Variants in ZBTB7C observed in about 807,000 individuals in gnomAD.
ZBTB7C encodes the protein zinc finger and BTB domain containing 7C.
In ZBTB7C, 8 loss-of-function variants were observed where a neutral mutation model predicts 25.7. The ratio of observed to expected loss-of-function variants is 0.31; its 90% CI spans 0.18 to 0.56. The LOEUF is 0.56. Ranked by LOEUF, ZBTB7C falls within the 20% of genes least tolerant of loss-of-function variation. The pLI, the probability that ZBTB7C is intolerant of heterozygous loss-of-function variation, is 0.91. For missense variants in ZBTB7C, 824 were observed against 855.2 expected (o/e 0.96, Z 0.46); for synonymous variants, 394 against 369.0 (o/e 1.07, Z -0.78).
At chr18:48,165,526 C>A in intron 3 of ZBTB7C, 1 of 217,976 alleles carries the variant, frequency 4.6e-6, no homozygotes, top group Non-Finnish European at 9.3e-6. Context: ...ACTGCTGGGA[C>A]ACCTTTGAAG....
chr18:48,383,118 C>T (rs777373464), intron 1 of ZBTB7C, among the ~76,000 whole-genome samples: 6 of 152,134 alleles, frequency 3.9e-5, no homozygotes, highest in African/African-American at 7.2e-5. Context: ...GACCATGAGT[C>T]CAATTGTCAG....
intron 1 of ZBTB7C, among the ~76,000 whole-genome samples, chr18:48,397,273 C>T (rs1599038458): frequency 6.6e-6 from 1 of 152,212 alleles, no homozygotes; most frequent in South Asian, 2.1e-4. Context: ...CCATGCCTGA[C>T]CCCCTTAACC....
At chr18:48,106,367 C>T (rs1029629291) in intron 3 of ZBTB7C, among the ~76,000 whole-genome samples, 1 of 150,540 alleles carries the variant, frequency 6.6e-6, no homozygotes. Flanking sequence ...AAGAAAAAGG[C>T]AATATTTAAC....
intron 3 of ZBTB7C, among the ~76,000 whole-genome samples, chr18:48,156,934 A>G (rs1294111249): frequency 6.6e-6 from 1 of 152,130 alleles, no homozygotes; most frequent in East Asian, 1.9e-4. Context: ...TTTGAAAGGC[A>G]GTGCCCCTGC....
At chr18:48,385,063 C>G (rs1171354309) in intron 1 of ZBTB7C, among the ~76,000 whole-genome samples, 1 of 152,164 alleles carries the variant, frequency 6.6e-6, no homozygotes, top group African/African-American at 2.4e-5. Context: ...CACCCCTAAG[C>G]AGCAGAAGGT....
At chr18:48,288,794 T>C (rs1190825490) in intron 2 of ZBTB7C, among the ~76,000 whole-genome samples, 1 of 152,230 alleles carries the variant, frequency 6.6e-6, no homozygotes, top group Non-Finnish European at 1.5e-5. Flanking sequence ...TGCTGGTACC[T>C]TGATCTTAAA....
intron 2 of ZBTB7C, among the ~76,000 whole-genome samples, chr18:48,285,445 C>T (rs751909128): frequency 6.6e-6 from 1 of 152,246 alleles, no homozygotes; most frequent in Admixed American, 6.5e-5. Flanking sequence ...ATTGCAAGAC[C>T]AGCTTTGTTT....
intron 2 of ZBTB7C, among the ~76,000 whole-genome samples, chr18:48,304,838 C>T (rs72909634): frequency 0.2 from 22,837 of 115,510 alleles, 1,989 homozygotes; most frequent in African/African-American, 0.23. Context: ...CCAGGCTCTA[C>T]CTCAAAAAAA....
At chr18:48,084,005 G>T in intron 3 of ZBTB7C, 1 of 479,812 alleles carries the variant, frequency 2.1e-6, no homozygotes. Context: ...TGTGCCTATG[G>T]AAGGTTTCCA....
At position 48,390,253 on chromosome 18, in the gene ZBTB7C, T is replaced by A. The variant is rs562972452; in HGVS notation, c.-304+18973A>T. Among the ~76,000 whole-genome samples the A allele has an allele frequency of 2.4e-4, 37 of 152,144 alleles. 1 individual carries two copies. Among genetic ancestry groups the A allele is most frequent in the Non-Finnish European group, 2.5e-4 (17 of 68,024 alleles). ...TAATATTCATTGTTCCAGACTTTTTTAATACATGGATACATTTTAATCAAA... is the reference window on the plus strand; with the variant it reads ...TAATATTCATTGTTCCAGACTTTTTAAATACATGGATACATTTTAATCAAA... On this transcript the variant is annotated intron_variant, in intron 1 of 4. Transcript: ENST00000590800.
chr18:48,162,392 T>C (rs1390538181), intron 3 of ZBTB7C: 1 of 456,656 alleles, frequency 2.2e-6, no homozygotes, highest in East Asian at 7.0e-5. Flanking sequence ...GCCTCAGTTG[T>C]TGCATCTGTA....
At chr18:48,190,840 G>A (rs2042176634) in intron 2 of ZBTB7C, among the ~76,000 whole-genome samples, 1 of 152,086 alleles carries the variant, frequency 6.6e-6, no homozygotes, top group South Asian at 2.1e-4. Context: ...TTGTAGAGAG[G>A]CCTTGAAAGT....
intron 3 of ZBTB7C, among the ~76,000 whole-genome samples, chr18:48,181,656 T>C (rs974554545): frequency 2.0e-5 from 3 of 152,230 alleles, no homozygotes; most frequent in African/African-American, 7.2e-5. Flanking sequence ...CTGGCTGTCC[T>C]GTTTTCTACC....
At chr18:48,219,006 C>T (rs2042890356) in intron 2 of ZBTB7C, among the ~76,000 whole-genome samples, 1 of 152,210 alleles carries the variant, frequency 6.6e-6, no homozygotes. Context: ...TTCACCACAG[C>T]TTGTCTGCCA....
At chr18:48,078,834 CATG>C (rs1196378897) in intron 3 of ZBTB7C, among the ~76,000 whole-genome samples, 1 of 152,206 alleles carries the variant, frequency 6.6e-6, no homozygotes, top group African/African-American at 2.4e-5. Flanking sequence ...CTTTCACTAG[CATG>C]ATGTTTTCCA....
At chr18:48,275,562 AC>A (rs2044621082) in intron 2 of ZBTB7C, among the ~76,000 whole-genome samples, 1 of 152,160 alleles carries the variant, frequency 6.6e-6, no homozygotes, top group Admixed American at 6.5e-5. Flanking sequence ...CACAGGGTTC[AC>A]TTTTGGCAGA....
chr18:48,125,440 T>C (rs967564129), intron 3 of ZBTB7C, among the ~76,000 whole-genome samples: 2 of 152,220 alleles, frequency 1.3e-5, no homozygotes, highest in Non-Finnish European at 2.9e-5. Context: ...CTTGAGCTAC[T>C]GGTGGCTGGC....
intron 4 of ZBTB7C, among the ~76,000 whole-genome samples, chr18:48,036,628 AG>A (rs1223234724): frequency 1.3e-5 from 2 of 152,170 alleles, no homozygotes; most frequent in Non-Finnish European, 2.9e-5. Context: ...GAAGGACCTG[AG>A]GGCAGCATGT....
At chr18:48,239,343 A>G (rs372075065) in intron 2 of ZBTB7C, among the ~76,000 whole-genome samples, 218 of 152,328 alleles carry the variant, frequency 1.4e-3, no homozygotes, top group African/African-American at 4.3e-3. Context: ...AGCTTGTATC[A>G]GCTGATGCTC....
Sources: gnomAD v4.1 joint callset for allele counts (sites outside exome capture counted in the v4.1 genomes callset) on GRCh38, gnomAD v4.1.1 for gene constraint, MANE v1.5 for transcripts, NCBI Gene and HGNC (gene_info 2026-07-23, HGNC 2026-07-21) for gene names.